MARVELD2: variants seen among roughly 807,000 people sequenced by gnomAD.
MARVELD2 encodes MARVEL domain-containing protein 2.
A neutral mutation model predicts 57.6 loss-of-function variants in MARVELD2; 49 were observed. The observed-to-expected ratio is 0.85, with a 90% CI of 0.68 to 1.08. The LOEUF (loss-of-function observed/expected upper bound fraction) is 1.08, where lower values mean the gene tolerates loss of function less well. MARVELD2 is among the 50% of genes least tolerant of loss of function. MARVELD2 has a pLI of 0.00. For synonymous variants in MARVELD2, 238 were observed against 258.8 expected, an observed-to-expected ratio of 0.92 and a Z score of 0.77; for missense variants, 606 against 701.1, an observed-to-expected ratio of 0.86 and a Z score of 1.53.
At chr5:69,421,825 A>C in intron 2 of MARVELD2, among the ~76,000 whole-genome samples, 2 of 138,888 alleles carry the variant, frequency 1.4e-5, no homozygotes, top group South Asian at 2.2e-4. Flanking sequence ...ACAGAGTCTC[A>C]CTCTGTTGCC....
At chr5:69,436,452 CATATAT>C (rs35663517) in intron 5 of MARVELD2, among the ~76,000 whole-genome samples, 2 of 69,474 alleles carry the variant, frequency 2.9e-5, no homozygotes, top group Non-Finnish European at 7.1e-5. Context: ...CACACACACA[CATATAT>C]ATAAATTTTT....
chr5:69,435,663 G>T (rs1314642711), intron 5 of MARVELD2, among the ~76,000 whole-genome samples: 1 of 137,872 alleles, frequency 7.3e-6, no homozygotes, highest in East Asian at 2.3e-4. Context: ...TGAGGCAGGA[G>T]AATCACTTGA....
Position 69,419,492 on chromosome 5 carries a change from A to ACAGTGAGCGGG in MARVELD2, c.117_127dup (p.Ala43GlyfsTer3). 1 of 1,614,172 alleles carries ACAGTGAGCGGG rather than the reference A, an allele frequency of 6.2e-7. No homozygotes were observed. ...ATAAGAACCCACCCAACTCTTCATG[A>ACAGTGAGCGGG]CAGTGAGCGGGCAGTGAGCGCTGAT... On this transcript the variant is annotated frameshift_variant, in exon 2 of 7. Transcript: ENST00000325631. LOFTEE classifies it high-confidence loss of function.
At chr5:69,424,488 TA>T in intron 2 of MARVELD2, 112 bp from the exon 3 acceptor site, 1 of 844,792 alleles carries the variant, frequency 1.2e-6, no homozygotes, top group Non-Finnish European at 2.0e-6. Flanking sequence ...ACCCGTCAAG[TA>T]GAGGATCAAC....
intron 1 of MARVELD2, among the ~76,000 whole-genome samples, chr5:69,416,169 T>A (rs1258652058): frequency 3.3e-5 from 5 of 152,272 alleles, no homozygotes; most frequent in Non-Finnish European, 7.3e-5. Context: ...AAATGCTGTG[T>A]AAAACTTGCT....
At chr5:69,440,927 T>C (rs556357656) in intron 6 of MARVELD2, among the ~76,000 whole-genome samples, 4 of 151,948 alleles carry the variant, frequency 2.6e-5, no homozygotes, top group Non-Finnish European at 4.4e-5. Context: ...TACAAAAAAA[T>C]ACAAGCATTA....
intron 2 of MARVELD2, among the ~76,000 whole-genome samples, chr5:69,423,649 T>A (rs1450646542): frequency 6.6e-6 from 1 of 152,084 alleles, no homozygotes; most frequent in East Asian, 1.9e-4. Flanking sequence ...TATTTTAAAT[T>A]TTTTGTAGAG....
chr5:69,428,921 A>T (rs1287326929), intron 3 of MARVELD2, among the ~76,000 whole-genome samples: 1 of 152,220 alleles, frequency 6.6e-6, no homozygotes, highest in African/African-American at 2.4e-5. Flanking sequence ...TGCTCCCCCT[A>T]ATGTTTAATA....
rs1241350904 is a variant in MARVELD2 at position 69,436,446 on chromosome 5, CACACACATAT to C, written c.1503+3355_1503+3364del. ...ACACACACACACACACACACACACA[CACACACATAT>C]ATATAAATTTTTTACCTGAGAAGTT... On this transcript the variant is annotated intron_variant, in intron 5 of 6. Transcript: ENST00000325631. Among the ~76,000 whole-genome samples, 39 of 140,484 alleles carry C rather than the reference CACACACATAT, an allele frequency of 2.8e-4. No homozygotes were observed. In the East Asian group the frequency reaches 3.5e-3, roughly 13 times the overall value. 92.2% of individuals were successfully genotyped at this position (140,484 alleles called of 152,430 possible).
chr5:69,440,875 G>C (rs570806570), intron 6 of MARVELD2, among the ~76,000 whole-genome samples: 2 of 152,200 alleles, frequency 1.3e-5, no homozygotes, highest in Non-Finnish European at 2.9e-5. Context: ...TTGAGCCCAG[G>C]AGTTTGAGAC....
At chr5:69,427,937 C>A (rs1009298555) in intron 3 of MARVELD2, among the ~76,000 whole-genome samples, 1 of 151,986 alleles carries the variant, frequency 6.6e-6, no homozygotes, top group African/African-American at 2.4e-5. Flanking sequence ...CATGGTGAAA[C>A]CCCATTTCTA....
At chr5:69,432,400 C>A in intron 3 of MARVELD2, 127 bp from the exon 4 acceptor site, 1 of 1,043,286 alleles carries the variant, frequency 9.6e-7, no homozygotes, top group Non-Finnish European at 1.5e-6. Flanking sequence ...TTTGTCCTCC[C>A]AAAGTGCTAG....
At chr5:69,419,305 A>G (rs1173181922) in intron 1 of MARVELD2, 66 bp from the exon 2 acceptor site, 10 of 1,517,804 alleles carry the variant, frequency 6.6e-6, no homozygotes, top group Non-Finnish European at 9.1e-6. Context: ...TACTACATGA[A>G]TAAAATCAGC....
At chr5:69,422,141 T>C (rs1766648814) in intron 2 of MARVELD2, among the ~76,000 whole-genome samples, 1 of 152,078 alleles carries the variant, frequency 6.6e-6, no homozygotes, top group African/African-American at 2.4e-5. Flanking sequence ...CGTGTGATGA[T>C]TGAGTTAACT....
chr5:69,420,616 C>A, intron 2 of MARVELD2, 85 bp downstream of exon 2: 6 of 1,260,426 alleles, frequency 4.8e-6, no homozygotes, highest in Non-Finnish European at 6.7e-6. Context: ...GTATAGCGCT[C>A]AAAACAGAAA....
At chr5:69,424,861 C>A (rs1766736169) in intron 3 of MARVELD2, among the ~76,000 whole-genome samples, 1 of 151,846 alleles carries the variant, frequency 6.6e-6, no homozygotes, top group African/African-American at 2.4e-5. Flanking sequence ...CCTGTCTCTA[C>A]CAAAAATACA....
chr5:69,424,667 TTAGA>T, intron 3 of MARVELD2, 31 bp downstream of exon 3: 1 of 1,506,742 alleles, frequency 6.6e-7, no homozygotes, highest in Non-Finnish European at 9.2e-7. Flanking sequence ...ATATTATGCT[TTAGA>T]TTTGTTAATA....
chr5:69,430,560 G>A (rs150371888), intron 3 of MARVELD2, among the ~76,000 whole-genome samples: 44 of 151,758 alleles, frequency 2.9e-4, no homozygotes, highest in African/African-American at 8.7e-4. Flanking sequence ...TTGAGACGGC[G>A]TCTCGCTCTG....
At chr5:69,435,450 C>T (rs1014311226) in intron 5 of MARVELD2, among the ~76,000 whole-genome samples, 2 of 151,994 alleles carry the variant, frequency 1.3e-5, no homozygotes, top group African/African-American at 4.8e-5. Flanking sequence ...AGTTTTATCA[C>T]CCCAAAAAGA....
Sources: gnomAD v4.1 joint callset for allele counts (sites outside exome capture counted in the v4.1 genomes callset) on GRCh38, gnomAD v4.1.1 for gene constraint, MANE v1.5 for transcripts, NCBI Gene and HGNC (gene_info 2026-07-23, HGNC 2026-07-21) for gene names.